Variants in SLC5A12 observed in about 807,000 individuals in gnomAD.
The protein encoded by SLC5A12 is sodium-coupled monocarboxylate transporter 2.
In SLC5A12, 46 loss-of-function variants were observed where a neutral mutation model predicts 72.7. The ratio of observed to expected loss-of-function variants is 0.63; its 90% CI spans 0.50 to 0.81. The LOEUF (loss-of-function observed/expected upper bound fraction) is 0.81. Ranked by LOEUF, SLC5A12 falls within the 30% of genes least tolerant of loss-of-function variation. The probability of loss-of-function intolerance (pLI) is 0.00; values close to 1 mark genes in which losing one functional copy is unlikely to be tolerated. For synonymous variants in SLC5A12, 275 were observed against 264.4 expected (o/e 1.04, Z -0.39); for missense variants, 683 against 740.7 (o/e 0.92, Z 0.90).
intron 14 of SLC5A12, 21 bp from the exon 15 acceptor site, chr11:26,671,272 C>T (rs747199234): frequency 6.4e-7 from 1 of 1,565,134 alleles, no homozygotes; most frequent in Non-Finnish European, 8.7e-7. Context: ...TACAAAGACA[C>T]ATATTAGCAA....
intron 10 of SLC5A12, among the ~76,000 whole-genome samples, chr11:26,685,379 G>A (rs946560427): frequency 1.3e-5 from 2 of 152,074 alleles, no homozygotes; most frequent in African/African-American, 2.4e-5. Flanking sequence ...CCCAGCACTC[G>A]GAGGCCGAGG....
At position 26,668,484 on chromosome 11, in the gene SLC5A12, C is replaced by T. The variant is rs1854050639; in HGVS notation, c.*2618G>A. The T allele has an allele frequency of 6.6e-6, 1 of 152,068 alleles. No homozygotes were observed. Among genetic ancestry groups the T allele is most frequent in the South Asian group, 2.1e-4 (1 of 4,826 alleles). The allele number at this position is 152,068 out of a possible 1,614,324, so 9.4% of individuals were successfully genotyped here. A position where few individuals can be genotyped will look rare whatever the true frequency, so the allele number is the denominator to read the frequency against. On this transcript the variant is annotated 3_prime_UTR_variant, in exon 15 of 15. Transcript: ENST00000396005. Reference sequence around the variant, plus strand: ...TCACTGAACTGTCTTTGTACTGCACCAGTGGCCTTGGCATGACTCTGGGCT... The same window carrying T: ...TCACTGAACTGTCTTTGTACTGCACTAGTGGCCTTGGCATGACTCTGGGCT...
At chr11:26,673,643 C>A in intron 13 of SLC5A12, 114 bp from the exon 14 acceptor site, 1 of 1,343,424 alleles carries the variant, frequency 7.4e-7, no homozygotes, top group African/African-American at 1.5e-5. Flanking sequence ...AGAGTGAAAA[C>A]AAGATTGAGT....
intron 1 of SLC5A12, among the ~76,000 whole-genome samples, chr11:26,720,547 A>G (rs1454961293): frequency 6.6e-6 from 1 of 151,942 alleles, no homozygotes; most frequent in Non-Finnish European, 1.5e-5. Context: ...AATGTTTTAT[A>G]CTCATATAGC....
chr11:26,713,620 C>T (rs1855282495), intron 1 of SLC5A12, among the ~76,000 whole-genome samples: 2 of 152,078 alleles, frequency 1.3e-5, no homozygotes, highest in Admixed American at 1.3e-4. Context: ...GCTCATATGG[C>T]ACTAATATTA....
At chr11:26,705,637 A>G (rs1855065613) in intron 4 of SLC5A12, among the ~76,000 whole-genome samples, 1 of 152,018 alleles carries the variant, frequency 6.6e-6, no homozygotes, top group Admixed American at 6.6e-5. Context: ...GGTATAATAA[A>G]TTTCTTACCT....
chr11:26,708,343 A>G (rs922011644), intron 4 of SLC5A12, among the ~76,000 whole-genome samples: 5 of 151,988 alleles, frequency 3.3e-5, no homozygotes, highest in Non-Finnish European at 5.9e-5. Context: ...AGGTGGGAAG[A>G]GTTGAGTGTC....
At chr11:26,721,295 G>C (rs1645714357) in intron 1 of SLC5A12, 81 bp downstream of exon 1, 2 of 1,028,564 alleles carry the variant, frequency 1.9e-6, no homozygotes, top group African/African-American at 1.6e-5. Context: ...CTGAAAATCA[G>C]TGAGTGTTCT....
chr11:26,722,885 T>G (rs1415242811), upstream of SLC5A12, among the ~76,000 whole-genome samples: 4 of 150,296 alleles, frequency 2.7e-5, no homozygotes, highest in Non-Finnish European at 5.9e-5. Context: ...CTAGTATGAG[T>G]TTTCTCTACT....
chr11:26,691,143 A>G (rs1170446536), intron 9 of SLC5A12, among the ~76,000 whole-genome samples: 1 of 152,092 alleles, frequency 6.6e-6, no homozygotes, highest in Non-Finnish European at 1.5e-5. Context: ...GAAAGCAAAA[A>G]TAATTTTTTA....
chr11:26,697,356 T>G (rs1854846388), intron 7 of SLC5A12, 104 bp from the exon 8 acceptor site: 3 of 984,224 alleles, frequency 3.0e-6, no homozygotes, highest in Non-Finnish European at 4.4e-6. Context: ...CTCATCAGTG[T>G]TTGAAATGTG....
chr11:26,678,685 G>A (rs1297020345), intron 13 of SLC5A12, 27 bp downstream of exon 13: 1 of 1,541,706 alleles, frequency 6.5e-7, no homozygotes, highest in African/African-American at 1.4e-5. Flanking sequence ...ATCTTCTTTA[G>A]TCCCAAAGGG....
upstream of SLC5A12, among the ~76,000 whole-genome samples, chr11:26,722,723 C>A (rs928749683): frequency 3.9e-5 from 6 of 152,046 alleles, no homozygotes; most frequent in African/African-American, 1.2e-4. Flanking sequence ...AGGTAACAAT[C>A]CAGTTATAAA....
intron 12 of SLC5A12, 106 bp from the exon 13 acceptor site, chr11:26,678,921 A>T: frequency 1.7e-6 from 1 of 592,556 alleles, no homozygotes; most frequent in Non-Finnish European, 2.9e-6. Flanking sequence ...CAAAAGCCTA[A>T]ATCATAACTT....
chr11:26,716,629 C>A (rs963102317), intron 1 of SLC5A12, among the ~76,000 whole-genome samples: 2 of 152,108 alleles, frequency 1.3e-5, no homozygotes, highest in African/African-American at 4.8e-5. Context: ...TCAGGAAATA[C>A]CAACTCTACT....
At chr11:26,684,941 C>T (rs1364511350) in intron 10 of SLC5A12, among the ~76,000 whole-genome samples, 1 of 152,146 alleles carries the variant, frequency 6.6e-6, no homozygotes, top group African/African-American at 2.4e-5. Context: ...TCACTAAAGA[C>T]AAACCTCACC....
At chr11:26,696,808 C>A (rs1854827384) in intron 8 of SLC5A12, among the ~76,000 whole-genome samples, 2 of 152,106 alleles carry the variant, frequency 1.3e-5, no homozygotes, top group African/African-American at 4.8e-5. Flanking sequence ...GAGTGAGCTG[C>A]TTTATGTAAA....
chr11:26,705,435 G>A (rs967671584), intron 4 of SLC5A12, among the ~76,000 whole-genome samples: 2 of 152,074 alleles, frequency 1.3e-5, no homozygotes, highest in African/African-American at 2.4e-5. Flanking sequence ...ATCATCTCTG[G>A]TTACTCCTCC....
rs778272454 is a variant in SLC5A12, at chr11:26,711,400, C to A, written c.406-42G>T. On this transcript the variant is annotated intron_variant, in intron 2 of 14. Coordinates refer to ENST00000396005, the MANE Select transcript of SLC5A12 (RefSeq NM_178498.4). ...AATCAGATTGGCAGTGAGAAAGGGACATAGAAAGGAAAACTGCCTAGAAAG... is the reference window on the plus strand; with the variant it reads ...AATCAGATTGGCAGTGAGAAAGGGAAATAGAAAGGAAAACTGCCTAGAAAG... 3.9e-6 allele frequency: 6 copies of A among 1,529,212 alleles called. No homozygotes were observed. The African/African-American group carries it at 4.1e-5, about 10-fold the overall frequency. 94.7% of individuals were successfully genotyped at this position (1,529,212 alleles called of 1,614,324 possible).
Sources: gnomAD v4.1 joint callset for allele counts (sites outside exome capture counted in the v4.1 genomes callset) on GRCh38, gnomAD v4.1.1 for gene constraint, MANE v1.5 for transcripts, NCBI Gene and HGNC (gene_info 2026-07-23, HGNC 2026-07-21) for gene names.